Variants in TMEM178B observed in about 807,000 individuals in gnomAD.
TMEM178B encodes transmembrane protein 178B.
TMEM178B carries 5 observed loss-of-function variants against 31.0 expected under a neutral mutation model. The observed-to-expected ratio is 0.16, with a 90% CI of 0.08 to 0.34. The LOEUF is 0.34. Among genes scored for constraint, TMEM178B ranks in the 10% least tolerant of loss-of-function variants. The pLI, the probability that TMEM178B is intolerant of heterozygous loss-of-function variation, is 1.00. For synonymous variants in TMEM178B, 164 were observed against 164.0 expected, an observed-to-expected ratio of 1.00 and a Z score of 0.00; for missense variants, 275 against 400.3, an observed-to-expected ratio of 0.69 and a Z score of 2.67.
chr7:141,325,624 C>T (rs1355958954), intron 2 of TMEM178B, among the ~76,000 whole-genome samples: 3 of 152,206 alleles, frequency 2.0e-5, no homozygotes, highest in Non-Finnish European at 4.4e-5. Flanking sequence ...GAAGGTGTAA[C>T]AAGCCTGGAC....
At chr7:141,430,788 C>T (rs1477007747) in intron 2 of TMEM178B, among the ~76,000 whole-genome samples, 2 of 152,120 alleles carry the variant, frequency 1.3e-5, no homozygotes, top group Non-Finnish European at 2.9e-5. Flanking sequence ...CTTCCCAGAC[C>T]GACTGATCCT....
intron 1 of TMEM178B, among the ~76,000 whole-genome samples, chr7:141,152,678 C>G (rs1002818431): frequency 3.3e-5 from 5 of 152,162 alleles, no homozygotes; most frequent in Non-Finnish European, 7.3e-5. Context: ...TCCAGTGGTT[C>G]AGTGGGGGGC....
At chr7:141,386,340 T>G (rs184567802) in intron 2 of TMEM178B, among the ~76,000 whole-genome samples, 1 of 152,196 alleles carries the variant, frequency 6.6e-6, no homozygotes, top group Non-Finnish European at 1.5e-5. Flanking sequence ...CTCTGAAATA[T>G]GGGAGAAGTC....
In TMEM178B at chr7:141,253,803, C is replaced by T. The variant is rs1322128685; in HGVS notation, c.496+41099C>T. ...CTGACCTCAGGTGATCCGCCTGCCT[C>T]GGCCTCTCAAAGTGCTGGGATTACA... On this transcript the variant is annotated intron_variant, in intron 2 of 3. Coordinates refer to ENST00000565468, the MANE Select transcript of TMEM178B (RefSeq NM_001195278.2). Among the ~76,000 whole-genome samples the T allele has an allele frequency of 3.3e-5, 5 of 152,092 alleles. No homozygotes were observed. In the East Asian group the frequency reaches 7.7e-4, roughly 23 times the overall value.
chr7:141,392,061 G>GTTT (rs555514928), intron 2 of TMEM178B, among the ~76,000 whole-genome samples: 1 of 146,964 alleles, frequency 6.8e-6, no homozygotes, highest in African/African-American at 2.5e-5. Flanking sequence ...GAATTCTATG[G>GTTT]TTTTTTTTTT....
At chr7:141,194,425 G>A (rs1200395299) in intron 1 of TMEM178B, among the ~76,000 whole-genome samples, 1 of 152,184 alleles carries the variant, frequency 6.6e-6, no homozygotes, top group Non-Finnish European at 1.5e-5. Context: ...GTCCACCCAA[G>A]TCTGAAATCC....
At chr7:141,411,798 G>A (rs1800995085) in intron 2 of TMEM178B, among the ~76,000 whole-genome samples, 2 of 152,312 alleles carry the variant, frequency 1.3e-5, no homozygotes, top group South Asian at 2.1e-4. Flanking sequence ...TTACAAATAG[G>A]TTGACAAGCT....
rs933858494 is a variant in TMEM178B, at chr7:141,074,550, C to G, written c.240C>G (p.Leu80=). The change falls in exon 1 of 4, where the codon CTC becomes CTG. Residue 80 remains leucine, a synonymous_variant. Transcript: ENST00000565468. This position sits in a 1 kb window ranked among gnomAD's most constrained non-coding sequence, Gnocchi z 5.1. ...TGGACCGCTGGGAGGGCAAACTCCT[C>G]CGGGCCCGGAATCGCCGGCAGCTGT... ...SRLDRWEGKL[L]RARNRRQLFA... 7.8e-6 allele frequency: 12 copies of G among 1,535,980 alleles called. No individual in the cohort carries two copies. The highest frequency in any genetic ancestry group is 9.6e-6 in the Non-Finnish European group (11 of 1,146,790).
chr7:141,126,630 G>C (rs1484084905), intron 1 of TMEM178B, among the ~76,000 whole-genome samples: 2 of 152,242 alleles, frequency 1.3e-5, no homozygotes, highest in Non-Finnish European at 2.9e-5. Context: ...GGCCATCAGT[G>C]ATGCTTTTTG....
At chr7:141,409,778 C>A (rs919292592) in intron 2 of TMEM178B, among the ~76,000 whole-genome samples, 2 of 150,644 alleles carry the variant, frequency 1.3e-5, no homozygotes, top group African/African-American at 4.9e-5. Context: ...ACTTGATATT[C>A]CATCAGGAAA....
intron 2 of TMEM178B, among the ~76,000 whole-genome samples, chr7:141,364,919 ATCT>A (rs1180679166): frequency 6.6e-6 from 1 of 152,330 alleles, no homozygotes; most frequent in East Asian, 1.9e-4. Context: ...ATGTTGCCAC[ATCT>A]TCTGGTTTTT....
intron 1 of TMEM178B, among the ~76,000 whole-genome samples, chr7:141,150,806 T>G (rs1795960344): frequency 6.6e-6 from 1 of 152,252 alleles, no homozygotes; most frequent in African/African-American, 2.4e-5. Flanking sequence ...GTGGTTGTTT[T>G]AAGTCACATA....
chr7:141,184,726 C>A (rs1408719475), intron 1 of TMEM178B, among the ~76,000 whole-genome samples: 1 of 152,166 alleles, frequency 6.6e-6, no homozygotes, highest in Non-Finnish European at 1.5e-5. Context: ...AGCAACACAT[C>A]CCCCTGCATT....
At chr7:141,500,422 G>T in the TMEM178B span, among the ~76,000 whole-genome samples, 16 of 152,170 alleles carry the variant, frequency 1.1e-4, no homozygotes, top group Non-Finnish European at 1.5e-4. Context: ...ACCTTTCTAA[G>T]TTGAAAGAAA....
intron 1 of TMEM178B, among the ~76,000 whole-genome samples, chr7:141,198,566 G>C (rs1245773553): frequency 6.6e-6 from 1 of 152,178 alleles, no homozygotes; most frequent in African/African-American, 2.4e-5. Context: ...TGGCCTGAGA[G>C]CTGGGGATTC....
chr7:141,370,133 C>T (rs1289435041), intron 2 of TMEM178B, among the ~76,000 whole-genome samples: 3 of 151,980 alleles, frequency 2.0e-5, no homozygotes, highest in Non-Finnish European at 4.4e-5. Context: ...GTGACTGGAC[C>T]ACAGAGAGGG....
At position 141,318,580 on chromosome 7, in the gene TMEM178B, C is replaced by G. The variant is rs1312672151; in HGVS notation, c.496+105876C>G. The stretch of plus-strand genomic sequence containing the variant: ...ATGTATTGGAGACTAAAATATTCCT[C>G]ATCTCTTCAAACCCGTGCTGTGTTG... On this transcript the variant is annotated intron_variant, in intron 2 of 3. Transcript: ENST00000565468. This position sits in a 1 kb window ranked among gnomAD's most constrained non-coding sequence, Gnocchi z 4.1. Among the ~76,000 whole-genome samples the G allele has an allele frequency of 2.0e-5, 3 of 152,180 alleles. No individual in the cohort carries two copies. The highest frequency in any genetic ancestry group is 4.4e-5 in the Non-Finnish European group (3 of 68,022).
At chr7:141,429,676 T>G (rs895212337) in intron 2 of TMEM178B, 1 of 152,184 alleles carries the variant, frequency 6.6e-6, no homozygotes, top group East Asian at 1.9e-4. Context: ...CCTTGAAAAA[T>G]ACATAAAGAG....
chr7:141,121,162 A>G (rs1016448518), intron 1 of TMEM178B, among the ~76,000 whole-genome samples: 6 of 152,084 alleles, frequency 3.9e-5, no homozygotes, highest in African/African-American at 1.4e-4. Flanking sequence ...TTACATTATT[A>G]TGACTGTGTA....
Sources: allele counts gnomAD v4.1 joint callset (sites outside exome capture counted in the v4.1 genomes callset), GRCh38; gene constraint gnomAD v4.1.1; non-coding constraint Gnocchi (gnomAD v3.1); transcripts MANE v1.5; gene names NCBI Gene and HGNC (gene_info 2026-07-23, HGNC 2026-07-21).